DNAH10: variants seen among roughly 807,000 people sequenced by gnomAD.
DNAH10 encodes the protein axonemal beta dynein heavy chain 10.
In DNAH10, 348 loss-of-function variants were observed where a neutral mutation model predicts 506.6. The ratio of observed to expected loss-of-function variants is 0.69; its 90% CI spans 0.63 to 0.75. The LOEUF (loss-of-function observed/expected upper bound fraction) is 0.75. DNAH10 is among the 30% of genes least tolerant of loss of function. The probability of loss-of-function intolerance (pLI) is 0.00; values close to 1 mark genes in which losing one functional copy is unlikely to be tolerated. For synonymous variants in DNAH10, 2,059 were observed against 2,198.6 expected (o/e 0.94, Z 1.78); for missense variants, 5,179 against 5,787.1 (o/e 0.89, Z 3.41).
chr12:123,836,139 C>T (rs779162738), intron 28 of DNAH10, among the ~76,000 whole-genome samples: 2 of 152,124 alleles, frequency 1.3e-5, no homozygotes, highest in African/African-American at 2.4e-5. Context: ...ACCACTTTAA[C>T]ATGTCAATAT....
Position 123,762,638 on chromosome 12 carries a change from C to A in DNAH10, c.214+88C>A. ...CGGGCGCCGGGGCTGCTAGAGCCTG[C>A]CCATCGTCCGGCCCCGGCCTCAGGT... On this transcript the variant is annotated intron_variant, in intron 1 of 78. Transcript: ENST00000673944. The surrounding 1 kb of genome is among the most constrained non-coding windows in gnomAD (Gnocchi z 5.0). The A allele has an allele frequency of 1.5e-6, 2 of 1,370,408 alleles. No homozygotes were observed. The highest frequency in any genetic ancestry group is 9.8e-7 in the Non-Finnish European group (1 of 1,023,646). The allele number at this position is 1,370,408 out of a possible 1,614,324, so 84.9% of individuals were successfully genotyped here. A position where few individuals can be genotyped will look rare whatever the true frequency, so the allele number is the denominator to read the frequency against.
At chr12:123,875,716 C>T (rs1375051659) in intron 47 of DNAH10, among the ~76,000 whole-genome samples, 3 of 152,108 alleles carry the variant, frequency 2.0e-5, no homozygotes, top group Non-Finnish European at 4.4e-5. Flanking sequence ...GGAAGAGGTC[C>T]ATGGAGGTAA....
intron 54 of DNAH10, among the ~76,000 whole-genome samples, chr12:123,895,849 A>G (rs922945003): frequency 1.3e-5 from 2 of 152,118 alleles, no homozygotes; most frequent in Non-Finnish European, 2.9e-5. Flanking sequence ...GCAGTGGCTC[A>G]CACCTGTAAT....
In DNAH10 at chr12:123,918,752, C is replaced by G. The variant is rs1954598531; in HGVS notation, c.11309C>G (p.Ala3770Gly). Residue 3770 changes from alanine (A) to glycine (G), a missense_variant, in exon 65 of 79, where the codon GCC becomes GGC. Physicochemically the swap from Ala to Gly is moderately conservative, Grantham distance 60. Coordinates refer to ENST00000673944, the MANE Select transcript of DNAH10 (RefSeq NM_001372106.1). ...CTGCGGGATGGCTACCGGCCAGCAG[C>G]CAGGAGGGGGGCCATCCTGTTCTTC... ...DRLRDGYRPA[A>G]RRGAILFFVL... 6.2e-7 allele frequency: 1 copy of G among 1,607,536 alleles called. No homozygotes were observed. The highest frequency in any genetic ancestry group is 8.5e-7 in the Non-Finnish European group (1 of 1,175,202).
At chr12:123,880,654 CT>C (rs35412520) in intron 50 of DNAH10, among the ~76,000 whole-genome samples, 21 of 147,458 alleles carry the variant, frequency 1.4e-4, no homozygotes, top group Admixed American at 6.1e-4. Flanking sequence ...TTTAAATTCT[CT>C]TTTTTTTTTT....
intron 18 of DNAH10, 42 bp downstream of exon 18, chr12:123,805,082 A>T (rs768696431): frequency 6.3e-7 from 1 of 1,597,360 alleles, no homozygotes; most frequent in South Asian, 1.1e-5. Flanking sequence ...GTGTGTGTAG[A>T]TTAAAACAGT....
At chr12:123,805,773 CTTTTTTTT>C (rs779610748) in intron 18 of DNAH10, among the ~76,000 whole-genome samples, 4 of 138,708 alleles carry the variant, frequency 2.9e-5, no homozygotes, top group Admixed American at 2.2e-4. Flanking sequence ...CTCTTCTTTT[CTTTTTTTT>C]TTTTTTTTTG....
At position 123,804,429 on chromosome 12, in the gene DNAH10, G is replaced by A. The variant is rs11057364; in HGVS notation, c.2780-404G>A. Among the ~76,000 whole-genome samples, 1,279 of 152,034 alleles carry A rather than the reference G, an allele frequency of 8.4e-3. 6 individuals are homozygous for A. The highest frequency in any genetic ancestry group is 0.013 in the Non-Finnish European group (864 of 67,988). On this transcript the variant is annotated intron_variant, in intron 17 of 78. Transcript: ENST00000673944. Reference sequence around the variant, plus strand: ...AGTCCCAGCTACTCGGGAGGCTGAGGCAGGAGAATGGCGTGAACCTGGGAG... The same window carrying A: ...AGTCCCAGCTACTCGGGAGGCTGAGACAGGAGAATGGCGTGAACCTGGGAG...
chr12:123,819,145 C>T lies in DNAH10; in HGVS notation c.3898-3C>T, dbSNP rs1459287361. 2 of 1,612,230 alleles carry T rather than the reference C, an allele frequency of 1.2e-6. No homozygotes were observed. Among genetic ancestry groups the T allele is most frequent in the Admixed American group, 3.3e-5 (2 of 59,796 alleles). On this transcript the variant is annotated splice_polypyrimidine_tract_variant and splice_region_variant and intron_variant, in intron 22 of 78. Coordinates refer to ENST00000673944, the MANE Select transcript of DNAH10 (RefSeq NM_001372106.1). ...TAAATTAATGTAACCTCGTTTTTCT[C>T]AGCTTACTCGAGGCGAAATAATGAA...
rs1284884850 is a variant in DNAH10, at chr12:123,923,757, C to T, written c.11507-6C>T. On this transcript the variant is annotated splice_region_variant and splice_polypyrimidine_tract_variant and intron_variant, in intron 65 of 78. Transcript: ENST00000673944. ...AAATCAATACTCATCTGATGTTTCC[C>T]TCCAGGGCTGTTTGAGAGGCACAAG... 1 of 1,599,510 alleles carries T rather than the reference C, an allele frequency of 6.3e-7. No homozygotes were observed. The highest frequency in any genetic ancestry group is 1.8e-5 in the Admixed American group (1 of 56,846).
rs143542386 is a variant in DNAH10, at chr12:123,801,344, T to C, written c.2526T>C (p.Asp842=). ...HYHMLIGTLN[D]AESVLLKDHS... is the part of the protein sequence containing the mutation. Reference sequence around the variant, plus strand: ...ACATGCTCATAGGAACGTTAAACGATGCGGAGTCTGTGCTTCTCAAAGATC... The same window carrying C: ...ACATGCTCATAGGAACGTTAAACGACGCGGAGTCTGTGCTTCTCAAAGATC... Residue 842 remains aspartate (D), a synonymous_variant, in exon 16 of 79, where the codon GAT becomes GAC. Transcript: ENST00000673944. The C allele has an allele frequency of 1.1e-5, 18 of 1,614,098 alleles. No homozygotes were observed. The highest frequency in any genetic ancestry group is 5.3e-5 in the African/African-American group (4 of 74,932).
chr12:123,862,036 C>G (rs556310524), intron 39 of DNAH10, among the ~76,000 whole-genome samples: 1 of 152,140 alleles, frequency 6.6e-6, no homozygotes, highest in Non-Finnish European at 1.5e-5. Context: ...TGGGTTTGTC[C>G]GCTGCTTCTT....
Position 123,931,705 on chromosome 12 carries a change from T to G in DNAH10, c.12986T>G (p.Met4329Arg). The stretch of plus-strand genomic sequence containing the variant: ...GTGGCCAAAGAAATAGAAAACAAGA[T>G]GCCCAAAGTCTTTGACTTGGACCAG... Reference protein sequence around the residue: ...GQVAKEIENKMPKVFDLDQVR... With the variant: ...GQVAKEIENKRPKVFDLDQVR... Residue 4329 changes from methionine to arginine, a missense_variant, in exon 75 of 79, where the codon ATG (methionine) becomes AGG (arginine). Transcript: ENST00000673944. 3 of 1,614,052 alleles carry G rather than the reference T, an allele frequency of 1.9e-6. No homozygotes were observed. Among genetic ancestry groups the G allele is most frequent in the Non-Finnish European group, 2.5e-6 (3 of 1,179,902 alleles).
chr12:123,811,072 A>C (rs531034761), intron 19 of DNAH10, among the ~76,000 whole-genome samples: 3 of 152,352 alleles, frequency 2.0e-5, no homozygotes, highest in Non-Finnish European at 4.4e-5. Flanking sequence ...GCAAATGAAC[A>C]TGCATGGCTA....
intron 36 of DNAH10, among the ~76,000 whole-genome samples, chr12:123,856,591 C>T (rs1951400970): frequency 6.6e-6 from 1 of 150,892 alleles, no homozygotes; most frequent in Non-Finnish European, 1.5e-5. Flanking sequence ...CTCAGCCTCC[C>T]AAAGTGCTGG....
intron 57 of DNAH10, among the ~76,000 whole-genome samples, chr12:123,905,916 A>G (rs1474460428): frequency 2.0e-5 from 3 of 149,842 alleles, no homozygotes; most frequent in African/African-American, 7.4e-5. Flanking sequence ...GCAATATTTT[A>G]TTTTGTGGCT....
Position 123,845,597 on chromosome 12 carries a change from C to T in DNAH10, c.5361-3C>T, listed in dbSNP as rs1254461824. 6.2e-7 allele frequency: 1 copy of T among 1,612,144 alleles called. No individual in the cohort carries two copies. Among genetic ancestry groups the T allele is most frequent in the Non-Finnish European group, 8.5e-7 (1 of 1,179,758 alleles). ...GCCTCTTACAGGTGTGCGTTTTCTGCAGAGTCGACTGGATGCTCCTGTACC... is the reference window on the plus strand; with the variant it reads ...GCCTCTTACAGGTGTGCGTTTTCTGTAGAGTCGACTGGATGCTCCTGTACC... On this transcript the variant is annotated splice_region_variant and splice_polypyrimidine_tract_variant and intron_variant, in intron 30 of 78. Transcript: ENST00000673944.
At chr12:123,830,004 A>G (rs1034116946) in intron 25 of DNAH10, among the ~76,000 whole-genome samples, 3 of 152,136 alleles carry the variant, frequency 2.0e-5, no homozygotes, top group Non-Finnish European at 4.4e-5. Context: ...CAGTTTTCTC[A>G]TAGTACTCAA....
rs1954461526 is a variant in DNAH10, at chr12:123,916,005, G to T, written c.10723-452G>T. ...CCTTGATCTCAGGTATTTGCCTGCT[G>T]TTAGAGGAAGCCCATTTGTACTCCA... On this transcript the variant is annotated intron_variant, in intron 62 of 78. Transcript: ENST00000673944. The surrounding 1 kb of genome is among the most constrained non-coding windows in gnomAD (Gnocchi z 4.6). Among the ~76,000 whole-genome samples, 1 of 152,176 alleles carries T rather than the reference G, an allele frequency of 6.6e-6. No homozygotes were observed. The highest frequency in any genetic ancestry group is 6.5e-5 in the Admixed American group (1 of 15,290).
Sources: gnomAD v4.1 joint callset for allele counts (sites outside exome capture counted in the v4.1 genomes callset) on GRCh38, gnomAD v4.1.1 for gene constraint, Gnocchi (gnomAD v3.1) non-coding constraint, MANE v1.5 for transcripts, NCBI Gene and HGNC (gene_info 2026-07-23, HGNC 2026-07-21) for gene names.